Variants in PPARGC1A observed in about 807,000 individuals in gnomAD.
The protein encoded by PPARGC1A is PPARG coactivator 1 alpha.
A neutral mutation model predicts 88.7 loss-of-function variants in PPARGC1A; 25 were observed. The observed-to-expected ratio is 0.28, with a 90% CI of 0.21 to 0.39. The LOEUF (loss-of-function observed/expected upper bound fraction) is 0.39. PPARGC1A is among the 10% of genes least tolerant of loss of function. PPARGC1A has a pLI of 1.00. For synonymous variants in PPARGC1A, 363 were observed against 355.6 expected, an observed-to-expected ratio of 1.02 and a Z score of -0.24; for missense variants, 880 against 968.7, an observed-to-expected ratio of 0.91 and a Z score of 1.22.
At chr4:24,325,221 A>G in the PPARGC1A span, among the ~76,000 whole-genome samples, 3 of 152,168 alleles carry the variant, frequency 2.0e-5, no homozygotes, top group South Asian at 2.1e-4. Flanking sequence ...TCAAAAGGCC[A>G]TCTTATTCTC....
the PPARGC1A span, among the ~76,000 whole-genome samples, chr4:24,366,269 A>T: frequency 3.6e-4 from 55 of 152,186 alleles, no homozygotes; most frequent in South Asian, 1.7e-3. Flanking sequence ...GTTATCGTTT[A>T]TGTAGCTTGC....
the PPARGC1A span, among the ~76,000 whole-genome samples, chr4:24,447,778 G>A: frequency 2.0e-3 from 309 of 152,176 alleles, 4 homozygotes; most frequent in East Asian, 0.037. Flanking sequence ...GGTCCTAAAC[G>A]TTAGGAGAAA....
At chr4:24,245,164 G>A in the PPARGC1A span, among the ~76,000 whole-genome samples, 11 of 152,320 alleles carry the variant, frequency 7.2e-5, no homozygotes, top group Admixed American at 2.6e-4. Flanking sequence ...CATGAATAAC[G>A]CAATGTGCTG....
At chr4:23,971,717 G>T in the PPARGC1A span, among the ~76,000 whole-genome samples, 1 of 152,108 alleles carries the variant, frequency 6.6e-6, no homozygotes. Context: ...CTTTCCCAGC[G>T]CACTGACTCA....
chr4:24,252,486 G>A, the PPARGC1A span, among the ~76,000 whole-genome samples: 4 of 152,188 alleles, frequency 2.6e-5, no homozygotes, highest in African/African-American at 4.8e-5. Flanking sequence ...AAGATTGCTG[G>A]ATAAATGTTT....
At chr4:23,900,702 G>T (rs1719230502), upstream of PPARGC1A, among the ~76,000 whole-genome samples, 1 of 152,192 alleles carries the variant, frequency 6.6e-6, no homozygotes, top group African/African-American at 2.4e-5. Flanking sequence ...CCTATAGTAA[G>T]TCGACTTTCT....
intron 2 of PPARGC1A, chr4:23,875,649 CTCTTTT>C (rs1021086284): frequency 2.0e-5 from 3 of 152,110 alleles, no homozygotes; most frequent in African/African-American, 7.2e-5. Context: ...CAGCCTTCTT[CTCTTTT>C]ATCACCCAGC....
At chr4:24,068,534 G>C in the PPARGC1A span, among the ~76,000 whole-genome samples, 2 of 152,132 alleles carry the variant, frequency 1.3e-5, no homozygotes, top group Non-Finnish European at 2.9e-5. Flanking sequence ...AGGGGATGAG[G>C]GATAAGAGCC....
At chr4:23,826,154 C>T (rs910240099) in intron 5 of PPARGC1A, among the ~76,000 whole-genome samples, 4 of 151,966 alleles carry the variant, frequency 2.6e-5, no homozygotes, top group Admixed American at 2.6e-4. Context: ...GAGGAGATGG[C>T]AACAGTCATA....
the PPARGC1A span, among the ~76,000 whole-genome samples, chr4:24,404,594 T>C: frequency 2.7e-4 from 41 of 152,126 alleles, no homozygotes; most frequent in Non-Finnish European, 5.6e-4. Context: ...ATCCTTATTC[T>C]CTCTCAGCAG....
At chr4:24,340,579 T>C in the PPARGC1A span, among the ~76,000 whole-genome samples, 1 of 152,170 alleles carries the variant, frequency 6.6e-6, no homozygotes, top group Non-Finnish European at 1.5e-5. Context: ...TTTTTTAATG[T>C]CCATAAAATG....
chr4:23,959,390 T>C, the PPARGC1A span, among the ~76,000 whole-genome samples: 1 of 152,154 alleles, frequency 6.6e-6, no homozygotes, highest in Non-Finnish European at 1.5e-5. Flanking sequence ...TCAGTACTTA[T>C]TATGGCGTTA....
the PPARGC1A span, among the ~76,000 whole-genome samples, chr4:24,365,710 A>G: frequency 2.6e-5 from 4 of 152,052 alleles, no homozygotes; most frequent in Non-Finnish European, 1.5e-5. Flanking sequence ...TCCCAATCAC[A>G]TATTTTCTAT....
At chr4:24,206,635 C>T in the PPARGC1A span, among the ~76,000 whole-genome samples, 43 of 151,890 alleles carry the variant, frequency 2.8e-4, no homozygotes, top group African/African-American at 9.7e-4. Context: ...AGTTCGAGAC[C>T]AGCCTGGCCA....
the PPARGC1A span, among the ~76,000 whole-genome samples, chr4:23,941,659 G>T: frequency 6.6e-6 from 1 of 152,144 alleles, no homozygotes; most frequent in Non-Finnish European, 1.5e-5. Flanking sequence ...TTTAGAGCAG[G>T]AATTCTGATG....
At chr4:24,222,705 TTTTC>T in the PPARGC1A span, among the ~76,000 whole-genome samples, 2 of 152,222 alleles carry the variant, frequency 1.3e-5, no homozygotes, top group African/African-American at 4.8e-5. Context: ...CAAAAATTGA[TTTTC>T]TTTTTCAATA....
chr4:24,057,652 C>G, the PPARGC1A span, among the ~76,000 whole-genome samples: 1 of 152,162 alleles, frequency 6.6e-6, no homozygotes. Flanking sequence ...ATTAACACCA[C>G]GTGTGTACAT....
the PPARGC1A span, among the ~76,000 whole-genome samples, chr4:24,034,265 A>C: frequency 6.6e-6 from 1 of 152,130 alleles, no homozygotes. Flanking sequence ...GCCTTCAATA[A>C]ATGAATCACA....
chr4:23,963,825 T>C, the PPARGC1A span, among the ~76,000 whole-genome samples: 1 of 152,132 alleles, frequency 6.6e-6, no homozygotes, highest in Non-Finnish European at 1.5e-5. Context: ...GAATGGGAAA[T>C]GAAGGTGTCA....
Sources: gnomAD v4.1 joint callset for allele counts (sites outside exome capture counted in the v4.1 genomes callset) on GRCh38, gnomAD v4.1.1 for gene constraint, MANE v1.5 for transcripts, NCBI Gene and HGNC (gene_info 2026-07-23, HGNC 2026-07-21) for gene names.